The following STK40 variants were observed in gnomAD, a reference collection of about 807,000 sequenced individuals.
STK40 encodes the protein serine/threonine kinase 40, also known as serine/threonine-protein kinase 40.
A neutral mutation model predicts 47.9 loss-of-function variants in STK40; 13 were observed. That is an observed-to-expected ratio of 0.27 (90% confidence interval 0.18 to 0.43). The LOEUF (loss-of-function observed/expected upper bound fraction) is 0.43. Ranked by LOEUF, STK40 falls within the 20% of genes least tolerant of loss-of-function variation. The pLI, the probability that STK40 is intolerant of heterozygous loss-of-function variation, is 1.00. For missense variants in STK40, 460 were observed against 595.1 expected (o/e 0.77, Z 2.36); for synonymous variants, 225 against 243.2 (o/e 0.93, Z 0.69).
At chr1:36,376,238 G>A (rs1646991428) in intron 1 of STK40, among the ~76,000 whole-genome samples, 1 of 152,142 alleles carries the variant, frequency 6.6e-6, no homozygotes, top group African/African-American at 2.4e-5. Flanking sequence ...ACGAGGGCCA[G>A]CAGCCACCAG....
chr1:36,342,136 G>A lies in STK40; in HGVS notation c.1090-163C>T. ...GGCCGGGGGTGGGAGTGGCGCTGAG[G>A]GTGGGTCCCTGACCCCCTCCAGCCA... On this transcript the variant is annotated intron_variant, in intron 10 of 10. Transcript: ENST00000373132. 2.9e-6 allele frequency: 2 copies of A among 691,482 alleles called. 1 individual carries two copies. Among genetic ancestry groups the A allele is most frequent in the South Asian group, 3.8e-5 (2 of 52,978 alleles). The allele number at this position is 691,482 out of a possible 1,614,324, so 42.8% of individuals were successfully genotyped here. A position where few individuals can be genotyped will look rare whatever the true frequency, so the allele number is the denominator to read the frequency against.
chr1:36,363,487 T>C (rs1018948634), intron 1 of STK40, among the ~76,000 whole-genome samples: 8 of 152,066 alleles, frequency 5.3e-5, no homozygotes, highest in Admixed American at 1.3e-4. Flanking sequence ...CCATTCCCTA[T>C]TTATGGACAT....
Position 36,343,912 on chromosome 1 carries a change from G to A in STK40, c.952C>T (p.Arg318Cys), listed in dbSNP as rs1200783623. Residue 318 changes from arginine (R) to cysteine (C), a missense_variant, in exon 9 of 11, where the codon CGC (arginine) becomes TGC (cysteine). By Grantham distance (180) the Arg-to-Cys change is radical (BLOSUM62 -3). Coordinates refer to ENST00000373132, the MANE Select transcript of STK40 (RefSeq NM_001282547.2). Reference sequence around the variant, plus strand: ...TCCAGGACGTCGGCGGCGGCCAGGCGCTGCTGGGGGTCAAGGACCAGCAGC... The same window carrying A: ...TCCAGGACGTCGGCGGCGGCCAGGCACTGCTGGGGGTCAAGGACCAGCAGC... ...RKLLVLDPQQRLAAADVLEAL... is the reference protein window; with the variant it reads ...RKLLVLDPQQCLAAADVLEAL... The A allele has an allele frequency of 5.0e-6, 8 of 1,607,328 alleles. No individual in the cohort carries two copies. Among genetic ancestry groups the A allele is most frequent in the African/African-American group, 1.3e-5 (1 of 74,932 alleles).
intron 6 of STK40, among the ~76,000 whole-genome samples, chr1:36,351,092 C>T (rs372811864): frequency 1.3e-5 from 2 of 152,312 alleles, no homozygotes; most frequent in South Asian, 4.1e-4. Context: ...CACGCTTTAG[C>T]TATGGCCCTC....
At chr1:36,366,656 A>G (rs1646904810) in intron 1 of STK40, among the ~76,000 whole-genome samples, 1 of 151,952 alleles carries the variant, frequency 6.6e-6, no homozygotes, top group Non-Finnish European at 1.5e-5. Flanking sequence ...TCACAGTGAG[A>G]TCTGTGATGA....
intron 1 of STK40, among the ~76,000 whole-genome samples, chr1:36,382,223 A>C (rs2124755379): frequency 6.6e-6 from 1 of 152,112 alleles, no homozygotes; most frequent in Non-Finnish European, 1.5e-5. Context: ...TGTGTCACCT[A>C]AACTGGAATG....
At chr1:36,384,513 C>T (rs1312880006) in intron 1 of STK40, among the ~76,000 whole-genome samples, 1 of 152,198 alleles carries the variant, frequency 6.6e-6, no homozygotes, top group African/African-American at 2.4e-5. Context: ...CTGTTATCAT[C>T]CTTGTTTTAT....
At chr1:36,374,171 T>C (rs920768808) in intron 1 of STK40, among the ~76,000 whole-genome samples, 1 of 152,240 alleles carries the variant, frequency 6.6e-6, no homozygotes. Context: ...GCAAGGTTCA[T>C]GAGTTAGCCC....
chr1:36,379,398 C>CTT (rs55738958), intron 1 of STK40, among the ~76,000 whole-genome samples: 69 of 138,874 alleles, frequency 5.0e-4, no homozygotes, highest in African/African-American at 5.6e-4. Context: ...GTTGTAGCCT[C>CTT]TTTTTTTTTT....
intron 1 of STK40, among the ~76,000 whole-genome samples, chr1:36,374,776 G>A (rs913625476): frequency 1.3e-5 from 2 of 152,162 alleles, no homozygotes; most frequent in Non-Finnish European, 2.9e-5. Flanking sequence ...GCGCAGTGAC[G>A]GCAGACTGAG....
At chr1:36,348,452 C>T (rs1330598405) in intron 7 of STK40, among the ~76,000 whole-genome samples, 1 of 152,230 alleles carries the variant, frequency 6.6e-6, no homozygotes, top group East Asian at 1.9e-4. Context: ...ACCCTTCATC[C>T]ACTCTCACAG....
intron 4 of STK40, among the ~76,000 whole-genome samples, chr1:36,355,643 G>C (rs1425811316): frequency 6.6e-6 from 1 of 152,186 alleles, no homozygotes; most frequent in Non-Finnish European, 1.5e-5. Context: ...CAAATGCCAG[G>C]ACCAGCAAGA....
chr1:36,347,019 G>A (rs1332382114), intron 7 of STK40, among the ~76,000 whole-genome samples: 4 of 152,204 alleles, frequency 2.6e-5, no homozygotes, highest in Non-Finnish European at 5.9e-5. Flanking sequence ...GTTCCCTCTA[G>A]CAGAGGCTGT....
At position 36,355,276 on chromosome 1, in the gene STK40, T is replaced by C; in HGVS notation, c.500A>G (p.Lys167Arg). 1 of 1,614,124 alleles carries C rather than the reference T, an allele frequency of 6.2e-7. No homozygotes were observed. Among genetic ancestry groups the C allele is most frequent in the Non-Finnish European group, 8.5e-7 (1 of 1,180,030 alleles). ...INLQHYVIKEKRLSERETVVI... is the reference protein window; with the variant it reads ...INLQHYVIKERRLSERETVVI... ...CACAGTCTCCCTCTCGCTGAGCCTC[T>C]TCTCCTTGATGACGTAGTGCTGCAG... Residue 167 changes from lysine to arginine, a missense_variant, in exon 5 of 11, where the codon AAG becomes AGG. By Grantham distance (26) the Lys-to-Arg change is conservative. Around this residue, in one of 3 missense-constraint regions of STK40, gnomAD observed 277 missense variants for 358.7 expected, o/e 0.77. Transcript: ENST00000373132.
At position 36,341,554 on chromosome 1, in the gene STK40, C is replaced by A; in HGVS notation, c.*201G>T. 1 of 606,964 alleles carries A rather than the reference C, an allele frequency of 1.6e-6. No homozygotes were observed. The allele number at this position is 606,964 out of a possible 1,614,324, so 37.6% of individuals were successfully genotyped here. A position where few individuals can be genotyped will look rare whatever the true frequency, so the allele number is the denominator to read the frequency against. On this transcript the variant is annotated 3_prime_UTR_variant, in exon 11 of 11. Transcript: ENST00000373132. ...ATCTAGGCTTCTCAGATTTAAAAAC[C>A]AAACAATCGAGCAATCATCCCAAAA...
chr1:36,345,955 G>C (rs1161246607), intron 7 of STK40, among the ~76,000 whole-genome samples: 20 of 124,034 alleles, frequency 1.6e-4, no homozygotes, highest in African/African-American at 6.4e-4. Flanking sequence ...CAAACACTAG[G>C]TTAAGGGCAT....
intron 1 of STK40, among the ~76,000 whole-genome samples, chr1:36,380,345 C>A (rs1020489206): frequency 6.6e-6 from 1 of 152,190 alleles, no homozygotes; most frequent in African/African-American, 2.4e-5. Context: ...ACCAGCACAC[C>A]CCTCACTATA....
chr1:36,371,372 G>A (rs991737892), intron 1 of STK40, among the ~76,000 whole-genome samples: 3 of 151,016 alleles, frequency 2.0e-5, no homozygotes, highest in African/African-American at 7.3e-5. Context: ...GGCTAACATG[G>A]TGAAACCCCG....
At chr1:36,349,298 G>A (rs963690803) in intron 6 of STK40, among the ~76,000 whole-genome samples, 5 of 152,198 alleles carry the variant, frequency 3.3e-5, no homozygotes, top group South Asian at 4.1e-4. Context: ...AGCCACCTCC[G>A]AACCACGGAA....
Sources: allele counts gnomAD v4.1 joint callset (sites outside exome capture counted in the v4.1 genomes callset), GRCh38; gene constraint gnomAD v4.1.1; regional missense constraint gnomAD v4.1.1; transcripts MANE v1.5; gene names NCBI Gene and HGNC (gene_info 2026-07-23, HGNC 2026-07-21).